Variants in CMSS1 observed in about 807,000 individuals in gnomAD.
CMSS1 encodes cms1 ribosomal small subunit homolog.
A neutral mutation model predicts 43.5 loss-of-function variants in CMSS1; 33 were observed. The observed-to-expected ratio is 0.76, with a 90% CI of 0.57 to 1.01. The LOEUF (loss-of-function observed/expected upper bound fraction) is 1.01. Among genes scored for constraint, CMSS1 ranks in the 50% least tolerant of loss-of-function variants. CMSS1 has a pLI of 0.00. For synonymous variants in CMSS1, 115 were observed against 117.2 expected (o/e 0.98, Z 0.12); for missense variants, 313 against 326.4 (o/e 0.96, Z 0.32).
intron 1 of CMSS1, among the ~76,000 whole-genome samples, chr3:100,132,226 AC>A (rs34785799): frequency 0.49 from 73,439 of 150,722 alleles, 18,040 homozygotes; most frequent in South Asian, 0.54. Flanking sequence ...ACAAAGAAAG[AC>A]CCCCATCTCT....
chr3:100,021,948 TGTGTGTGTGTGTGAGA>T (rs1192102010), intron 1 of CMSS1, among the ~76,000 whole-genome samples: 3 of 129,658 alleles, frequency 2.3e-5, no homozygotes, highest in Non-Finnish European at 3.4e-5. Flanking sequence ...TGTGTGTGTG[TGTGTGTGTGTGTGAGA>T]GAGAGAGAGA....
At chr3:99,933,713 A>G (rs1559694286) in intron 1 of CMSS1, among the ~76,000 whole-genome samples, 1 of 152,178 alleles carries the variant, frequency 6.6e-6, no homozygotes, top group Non-Finnish European at 1.5e-5. Context: ...TTCACAGATT[A>G]ATTATAGGGC....
chr3:99,903,647 A>T (rs1706516394), intron 1 of CMSS1, among the ~76,000 whole-genome samples: 1 of 152,162 alleles, frequency 6.6e-6, no homozygotes, highest in Non-Finnish European at 1.5e-5. Flanking sequence ...TGATTCCAAA[A>T]ATTGGCTGTT....
chr3:99,880,396 G>T (rs1021954770), intron 1 of CMSS1, among the ~76,000 whole-genome samples: 2 of 152,030 alleles, frequency 1.3e-5, no homozygotes, highest in African/African-American at 4.8e-5. Flanking sequence ...ATATATATAT[G>T]AACTGCAGGT....
At chr3:100,164,962 G>C (rs968048789) in intron 4 of CMSS1, among the ~76,000 whole-genome samples, 1 of 152,092 alleles carries the variant, frequency 6.6e-6, no homozygotes, top group East Asian at 1.9e-4. Context: ...GGAGTCACCC[G>C]GAGCTAATTA....
chr3:99,947,630 C>T (rs937458222), intron 1 of CMSS1, among the ~76,000 whole-genome samples: 1 of 152,208 alleles, frequency 6.6e-6, no homozygotes, highest in Non-Finnish European at 1.5e-5. Context: ...ATGACAGTGG[C>T]TGCAGGATTT....
intron 1 of CMSS1, among the ~76,000 whole-genome samples, chr3:99,965,342 T>G (rs1349023787): frequency 2.6e-5 from 4 of 152,224 alleles, no homozygotes; most frequent in Admixed American, 2.0e-4. Context: ...TTCTTACTGG[T>G]GCAGGCTGTC....
intron 1 of CMSS1, among the ~76,000 whole-genome samples, chr3:99,948,433 G>C (rs1708076326): frequency 6.6e-6 from 1 of 151,706 alleles, no homozygotes; most frequent in Admixed American, 6.6e-5. Flanking sequence ...ATCTACTCGT[G>C]AGGCTGAGGC....
intron 1 of CMSS1, among the ~76,000 whole-genome samples, chr3:99,825,028 C>G (rs1171110645): frequency 6.6e-6 from 1 of 152,054 alleles, no homozygotes; most frequent in Non-Finnish European, 1.5e-5. Flanking sequence ...TTTTTTTGTT[C>G]TGTGTTTTTT....
At chr3:99,849,322 A>G (rs1415440958) in intron 1 of CMSS1, 1 of 1,614,110 alleles carries the variant, frequency 6.2e-7, no homozygotes, top group Non-Finnish European at 8.5e-7. Flanking sequence ...TCTTCCATTG[A>G]GACTAGGCCT....
intron 1 of CMSS1, among the ~76,000 whole-genome samples, chr3:99,889,784 C>T (rs1342615792): frequency 1.3e-5 from 2 of 151,986 alleles, no homozygotes; most frequent in African/African-American, 4.8e-5. Context: ...TCTAAAGCTA[C>T]TCAGTATATT....
intron 1 of CMSS1, among the ~76,000 whole-genome samples, chr3:99,907,231 C>T (rs1009973835): frequency 6.6e-6 from 1 of 151,930 alleles, no homozygotes; most frequent in African/African-American, 2.4e-5. Context: ...TCTTAACTAC[C>T]TATTACCCTT....
intron 1 of CMSS1, among the ~76,000 whole-genome samples, chr3:99,904,601 CTTTT>C (rs940411368): frequency 6.6e-6 from 1 of 151,766 alleles, no homozygotes; most frequent in African/African-American, 2.4e-5. Context: ...TTACTTTTCT[CTTTT>C]TTTTGTTTTT....
At chr3:100,083,140 C>G (rs1189365892) in intron 1 of CMSS1, among the ~76,000 whole-genome samples, 1 of 152,128 alleles carries the variant, frequency 6.6e-6, no homozygotes, top group African/African-American at 2.4e-5. Context: ...CAGTCAGTAC[C>G]TGACAGGGTC....
At chr3:100,054,490 TTGTTATGTTATGTTATGTTATGTTA>T (rs10668094) in intron 1 of CMSS1, among the ~76,000 whole-genome samples, 15 of 146,086 alleles carry the variant, frequency 1.0e-4, no homozygotes, top group Non-Finnish European at 1.5e-4. Context: ...ATGTTATGTT[TTGTTATGTTATGTTATGTTATGTTA>T]TGTTATGTTA....
At chr3:99,977,576 T>A (rs546551087) in intron 1 of CMSS1, among the ~76,000 whole-genome samples, 51 of 152,328 alleles carry the variant, frequency 3.3e-4, no homozygotes, top group African/African-American at 1.1e-3. Context: ...ATTATTTTAG[T>A]GTCTCCATGA....
At chr3:100,041,263 C>A (rs1287640398) in intron 1 of CMSS1, 2 of 152,134 alleles carry the variant, frequency 1.3e-5, no homozygotes, top group Admixed American at 6.5e-5. Context: ...TTGAGAATGG[C>A]TTTTTATGGC....
At chr3:100,019,230 C>T (rs1055538694) in intron 1 of CMSS1, among the ~76,000 whole-genome samples, 2 of 152,086 alleles carry the variant, frequency 1.3e-5, no homozygotes, top group Non-Finnish European at 1.5e-5. Flanking sequence ...GGTATGGTGG[C>T]ACATGTCTAG....
chr3:100,148,021 C>A lies in CMSS1; in HGVS notation c.153+960C>A, dbSNP rs113621435. On this transcript the variant is annotated intron_variant, in intron 2 of 9. Transcript: ENST00000421999. The stretch of plus-strand genomic sequence containing the variant: ...AAAAGTAATTGTGGTTTTTGCCATT[C>A]CTTTTAATTTTAAAAAATTACTTTT... Among the ~76,000 whole-genome samples, 124 of 152,216 alleles carry A rather than the reference C, an allele frequency of 8.1e-4. 1 individual carries two copies. Among genetic ancestry groups the A allele is most frequent in the African/African-American group, 2.8e-3 (118 of 41,522 alleles).
Sources: gnomAD v4.1 joint callset for allele counts (sites outside exome capture counted in the v4.1 genomes callset) on GRCh38, gnomAD v4.1.1 for gene constraint, MANE v1.5 for transcripts, NCBI Gene and HGNC (gene_info 2026-07-23, HGNC 2026-07-21) for gene names.